NCS1: variants seen among roughly 807,000 people sequenced by gnomAD.
NCS1 encodes neuronal calcium sensor 1.
A neutral mutation model predicts 28.4 loss-of-function variants in NCS1; 6 were observed. The observed-to-expected ratio is 0.21, with a 90% CI of 0.12 to 0.42. The LOEUF (loss-of-function observed/expected upper bound fraction) is 0.42, where lower values mean the gene tolerates loss of function less well. Ranked by LOEUF, NCS1 falls within the 10% of genes least tolerant of loss-of-function variation. The probability of loss-of-function intolerance (pLI) is 1.00; values close to 1 mark genes in which losing one functional copy is unlikely to be tolerated. For missense variants in NCS1, 131 were observed against 241.4 expected (o/e 0.54, Z 3.03); for synonymous variants, 86 against 99.3 (o/e 0.87, Z 0.79).
chr9:130,172,879 T>G, intron 1 of NCS1, 152 bp downstream of exon 1: 66 of 307,536 alleles, frequency 2.1e-4, no homozygotes, highest in East Asian at 3.6e-4. Flanking sequence ...CCCTCGGAGG[T>G]TCCCGGGCCG....
chr9:130,228,963 C>G (rs1833457617), intron 7 of NCS1, among the ~76,000 whole-genome samples: 1 of 152,000 alleles, frequency 6.6e-6, no homozygotes, highest in Admixed American at 6.6e-5. Context: ...AGCCACCATG[C>G]CTGGCCAGGC....
At chr9:130,200,893 T>G in intron 1 of NCS1, 65 bp from the exon 2 acceptor site, 1 of 1,605,898 alleles carries the variant, frequency 6.2e-7, no homozygotes. Flanking sequence ...CCCCAGCGAA[T>G]GTCTGCCCAT....
chr9:130,196,105 T>C (rs578170767), intron 1 of NCS1, among the ~76,000 whole-genome samples: 19 of 152,106 alleles, frequency 1.2e-4, no homozygotes, highest in African/African-American at 3.9e-4. Flanking sequence ...AACCCCCAAA[T>C]TGTCCCCCAT....
intron 2 of NCS1, among the ~76,000 whole-genome samples, chr9:130,208,922 C>T (rs1201890959): frequency 2.0e-5 from 3 of 152,222 alleles, no homozygotes; most frequent in Middle Eastern, 3.4e-3. Context: ...GCTCTGCCTC[C>T]GTGGTCCTGA....
At chr9:130,207,708 C>A (rs1833046657) in intron 2 of NCS1, among the ~76,000 whole-genome samples, 1 of 152,230 alleles carries the variant, frequency 6.6e-6, no homozygotes, top group Admixed American at 6.5e-5. Context: ...GAGCACAGGC[C>A]AGGGCACGGC....
intron 5 of NCS1, 82 bp from the exon 6 acceptor site, chr9:130,223,000 C>A: frequency 8.0e-7 from 1 of 1,246,062 alleles, no homozygotes; most frequent in Non-Finnish European, 1.2e-6. Context: ...CTGGAAACTG[C>A]CAGGTCTGGG....
chr9:130,188,346 C>G (rs1460222721), intron 1 of NCS1, among the ~76,000 whole-genome samples: 2 of 152,158 alleles, frequency 1.3e-5, no homozygotes, highest in African/African-American at 4.8e-5. Context: ...GCACATCAGC[C>G]CTTTCCTCAG....
At position 130,226,872 on chromosome 9, in the gene NCS1, A is replaced by G. The variant is rs1833423032; in HGVS notation, c.*17+368A>G. ...AAACCCCGTCTCTACTAAAAATACA[A>G]AAATCAGGCGGGCGTGGTGGTGCGC... On this transcript the variant is annotated intron_variant, in intron 7 of 7. Coordinates refer to ENST00000372398, the MANE Select transcript of NCS1 (RefSeq NM_014286.4). This position sits in a 1 kb window ranked among gnomAD's most constrained non-coding sequence, Gnocchi z 4.8. Among the ~76,000 whole-genome samples the G allele has an allele frequency of 6.6e-6, 1 of 151,980 alleles. No individual in the cohort carries two copies. The highest frequency in any genetic ancestry group is 1.5e-5 in the Non-Finnish European group (1 of 67,996).
At position 130,199,062 on chromosome 9, in the gene NCS1, G is replaced by A. The variant is rs980745186; in HGVS notation, c.65-1896G>A. Among the ~76,000 whole-genome samples, 7 of 151,086 alleles carry A rather than the reference G, an allele frequency of 4.6e-5. No homozygotes were observed. In the Admixed American group the frequency reaches 4.6e-4, roughly 10 times the overall value. ...CAGGCCCGGTGTTTCTGGGTAACTG[G>A]CATCTCCCGCTGTTGCCTTCTCTTT... On this transcript the variant is annotated intron_variant, in intron 1 of 7. Coordinates refer to ENST00000372398, the MANE Select transcript of NCS1 (RefSeq NM_014286.4).
At chr9:130,199,896 T>TATTCATTCATTC (rs1832918976) in intron 1 of NCS1, among the ~76,000 whole-genome samples, 1 of 90,540 alleles carries the variant, frequency 1.1e-5, no homozygotes, top group Non-Finnish European at 2.3e-5. Context: ...TCTGTTCATG[T>TATTCATTCATTC]GTTCATTCAT....
chr9:130,172,912 C>T (rs1319788090), intron 1 of NCS1, among the ~76,000 whole-genome samples, 185 bp downstream of exon 1: 1 of 151,664 alleles, frequency 6.6e-6, no homozygotes, highest in Non-Finnish European at 1.5e-5. Context: ...CCGCCCGGCC[C>T]CATTGTTCTG....
At chr9:130,195,695 A>G (rs1454200298) in intron 1 of NCS1, among the ~76,000 whole-genome samples, 1 of 152,196 alleles carries the variant, frequency 6.6e-6, no homozygotes, top group Non-Finnish European at 1.5e-5. Flanking sequence ...AAGTGTTGGG[A>G]TTACGGGCAT....
intron 2 of NCS1, among the ~76,000 whole-genome samples, chr9:130,208,876 C>CTGTG (rs35560339): frequency 6.0e-5 from 9 of 150,706 alleles, no homozygotes; most frequent in Non-Finnish European, 1.2e-4. Context: ...TCACACAGCT[C>CTGTG]TGTGTGTGTG....
At chr9:130,176,908 A>G (rs1411494705) in intron 1 of NCS1, among the ~76,000 whole-genome samples, 4 of 152,332 alleles carry the variant, frequency 2.6e-5, no homozygotes, top group South Asian at 4.1e-4. Flanking sequence ...CTGCAGGCCC[A>G]AGCCAGCCAG....
In NCS1 at chr9:130,226,638, C is replaced by G. The variant is rs542587757; in HGVS notation, c.*17+134C>G. 1.2e-5 allele frequency: 8 copies of G among 642,604 alleles called. No homozygotes were observed. Among genetic ancestry groups the G allele is most frequent in the Non-Finnish European group, 2.2e-5 (8 of 369,462 alleles). 39.8% of individuals were successfully genotyped at this position (642,604 alleles called of 1,614,324 possible). ...TGTGGTCAGCCTAGCAGGGACATAG[C>G]TGGGAGGAGGAGGCTGGAAGGGGGG... is the stretch of plus-strand genomic sequence containing the variant. On this transcript the variant is annotated intron_variant, in intron 7 of 7. Coordinates refer to ENST00000372398, the MANE Select transcript of NCS1 (RefSeq NM_014286.4). The surrounding 1 kb of genome is among the most constrained non-coding windows in gnomAD (Gnocchi z 4.8).
Position 130,236,079 on chromosome 9 carries a change from C to G in NCS1, c.*3107C>G, listed in dbSNP as rs1554913016. On this transcript the variant is annotated 3_prime_UTR_variant, in exon 8 of 8. Transcript: ENST00000372398. Reference sequence around the variant, plus strand: ...CGTGTCACCCTCTGTACTGACATCTCTTCCCCTGAAATGCTTTTCAGTTTG... The same window carrying G: ...CGTGTCACCCTCTGTACTGACATCTGTTCCCCTGAAATGCTTTTCAGTTTG... 6.6e-6 allele frequency: 1 copy of G among 152,428 alleles called. No homozygotes were observed. The highest frequency in any genetic ancestry group is 2.1e-4 in the South Asian group (1 of 4,824). The allele number at this position is 152,428 out of a possible 1,614,324, so 9.4% of individuals were successfully genotyped here.
At chr9:130,224,803 T>G (rs1442052909) in intron 6 of NCS1, among the ~76,000 whole-genome samples, 2 of 152,226 alleles carry the variant, frequency 1.3e-5, no homozygotes, top group East Asian at 3.8e-4. Flanking sequence ...AAGGAATCCT[T>G]CTTTAAATCA....
intron 5 of NCS1, among the ~76,000 whole-genome samples, 164 bp downstream of exon 5, chr9:130,222,902 G>A (rs1328794483): frequency 6.7e-6 from 1 of 150,146 alleles, no homozygotes; most frequent in African/African-American, 2.4e-5. Flanking sequence ...GCAGGCACAA[G>A]CTGGTAGATA....
At chr9:130,205,597 G>C (rs1833013587) in intron 2 of NCS1, among the ~76,000 whole-genome samples, 1 of 151,268 alleles carries the variant, frequency 6.6e-6, no homozygotes, top group Non-Finnish European at 1.5e-5. Flanking sequence ...CAGCAATTTG[G>C]GAGGCCAAGG....
Sources: gnomAD v4.1 joint callset for allele counts (sites outside exome capture counted in the v4.1 genomes callset) on GRCh38, gnomAD v4.1.1 for gene constraint, Gnocchi (gnomAD v3.1) non-coding constraint, MANE v1.5 for transcripts, NCBI Gene and HGNC (gene_info 2026-07-23, HGNC 2026-07-21) for gene names.